Variants in EIF3J observed in about 807,000 individuals in gnomAD.
EIF3J encodes the protein eukaryotic translation initiation factor 3 subunit J.
In EIF3J, 15 loss-of-function variants were observed where a neutral mutation model predicts 39.0. The ratio of observed to expected loss-of-function variants is 0.38; its 90% CI spans 0.26 to 0.59. The LOEUF (loss-of-function observed/expected upper bound fraction) is 0.59. Ranked by LOEUF, EIF3J falls within the 20% of genes least tolerant of loss-of-function variation. The pLI, the probability that EIF3J is intolerant of heterozygous loss-of-function variation, is 0.60. For synonymous variants in EIF3J, 98 were observed against 112.9 expected, an observed-to-expected ratio of 0.87 and a Z score of 0.84; for missense variants, 226 against 308.6, an observed-to-expected ratio of 0.73 and a Z score of 2.00.
chr15:44,561,134 T>G lies in EIF3J; in HGVS notation c.762T>G (p.Tyr254Ter), dbSNP rs1704192972. 1 of 1,611,852 alleles carries G rather than the reference T, an allele frequency of 6.2e-7. No homozygotes were observed. The change falls in exon 8 of 8, where the codon TAT becomes TAG. Residue 254 changes from tyrosine to a stop codon, truncating the protein, a stop_gained. Coordinates refer to ENST00000261868, the MANE Select transcript of EIF3J (RefSeq NM_003758.4). LOFTEE classifies it high-confidence loss of function. ...ATGATGGAGGATATGTACAAGACTA[T>G]GAAGACTTCATGTGACATTTTATCT... ...GGYDGGYVQD[Y>*]EDFM
intron 4 of EIF3J, among the ~76,000 whole-genome samples, chr15:44,552,720 C>T (rs1363687464): frequency 6.6e-6 from 1 of 151,846 alleles, no homozygotes; most frequent in Non-Finnish European, 1.5e-5. Context: ...GCTACCATGC[C>T]CAGCTAATTT....
chr15:44,549,785 A>AC (rs2082083883), intron 2 of EIF3J, among the ~76,000 whole-genome samples: 2 of 150,564 alleles, frequency 1.3e-5, no homozygotes, highest in African/African-American at 4.9e-5. Flanking sequence ...AAAAAAAAAA[A>AC]AAAAACCATT....
At chr15:44,559,721 AT>A (rs199753128) in intron 6 of EIF3J, among the ~76,000 whole-genome samples, 2,735 of 149,872 alleles carry the variant, frequency 0.018, 57 homozygotes, top group African/African-American at 0.049. Flanking sequence ...AAAAAAAAAA[AT>A]AATAGTAATT....
chr15:44,560,793 G>A (rs994353312), intron 7 of EIF3J, among the ~76,000 whole-genome samples: 1 of 152,174 alleles, frequency 6.6e-6, no homozygotes, highest in African/African-American at 2.4e-5. Context: ...AACCCCTGCT[G>A]GTGGGCTAGG....
intron 4 of EIF3J, among the ~76,000 whole-genome samples, chr15:44,554,268 T>A (rs2082125332): frequency 1.3e-5 from 2 of 150,572 alleles, no homozygotes; most frequent in Admixed American, 1.3e-4. Flanking sequence ...TCCCAGCTAC[T>A]CGGGAGGCTG....
chr15:44,558,301 C>T (rs574139368), intron 6 of EIF3J, among the ~76,000 whole-genome samples: 2 of 152,130 alleles, frequency 1.3e-5, no homozygotes, highest in Non-Finnish European at 1.5e-5. Context: ...CTTCTGCCTC[C>T]TGGGTTAAAG....
Position 44,554,620 on chromosome 15 carries a change from A to G in EIF3J, c.362A>G (p.Lys121Arg), listed in dbSNP as rs772384448. The G allele has an allele frequency of 2.2e-5, 35 of 1,613,120 alleles. No homozygotes were observed. The highest frequency in any genetic ancestry group is 2.9e-5 in the Non-Finnish European group (34 of 1,179,696). Residue 121 changes from lysine to arginine, a missense_variant, in exon 5 of 8, where the codon AAG (lysine) becomes AGG (arginine). Around this residue, in one of 2 missense-constraint regions of EIF3J, gnomAD observed 143 missense variants for 156.0 expected, o/e 0.92. Transcript: ENST00000261868. ...CAATTAGCAGATAAACTGCGGCTAAAGAAATTACAGGAAGAGTCAGACCTC... is the reference window on the plus strand; with the variant it reads ...CAATTAGCAGATAAACTGCGGCTAAGGAAATTACAGGAAGAGTCAGACCTC... ...EEQLADKLRL[K>R]KLQEESDLEL...
chr15:44,562,780 A>T lies in EIF3J; in HGVS notation c.*1631A>T, dbSNP rs978854154. 3 of 238,652 alleles carry T rather than the reference A, an allele frequency of 1.3e-5. No individual in the cohort carries two copies. The Admixed American group carries it at 1.5e-4, about 12-fold the overall frequency. 14.8% of individuals were successfully genotyped at this position (238,652 alleles called of 1,614,324 possible). ...CCTGTTCCTTAACTGTGTAAATAAT[A>T]ATTAAATTTCTTTGAAACTGGAATC... is the stretch of plus-strand genomic sequence containing the variant. On this transcript the variant is annotated 3_prime_UTR_variant, in exon 8 of 8. Transcript: ENST00000261868.
intron 2 of EIF3J, among the ~76,000 whole-genome samples, chr15:44,540,256 TATATATATATA>T (rs1320045565): frequency 1.8e-4 from 10 of 56,912 alleles, no homozygotes; most frequent in African/African-American, 5.2e-4. Context: ...TATATATATA[TATATATATATA>T]TTTTTTTTTT....
intron 2 of EIF3J, among the ~76,000 whole-genome samples, chr15:44,541,120 G>A (rs148204066): frequency 1.7e-3 from 264 of 152,260 alleles, no homozygotes; most frequent in Non-Finnish European, 3.0e-3. Context: ...CATCACCCTG[G>A]CTTTATTTAC....
At chr15:44,551,005 CAG>C in intron 3 of EIF3J, 75 bp downstream of exon 3, 5 of 1,521,610 alleles carry the variant, frequency 3.3e-6, no homozygotes, top group Non-Finnish European at 4.4e-6. Context: ...AGACAAATGA[CAG>C]AACGCTCACA....
chr15:44,554,453 TTTG>T (rs1264503500), intron 4 of EIF3J, 97 bp from the exon 5 acceptor site: 2 of 520,136 alleles, frequency 3.8e-6, no homozygotes, highest in Non-Finnish European at 6.7e-6. Context: ...TTCACTTTTA[TTTG>T]TTATTATATA....
intron 7 of EIF3J, among the ~76,000 whole-genome samples, chr15:44,560,745 T>C (rs1422838856): frequency 2.0e-5 from 3 of 152,224 alleles, no homozygotes; most frequent in Non-Finnish European, 4.4e-5. Flanking sequence ...TTTCTAAATT[T>C]GCTTCAGTGA....
intron 2 of EIF3J, among the ~76,000 whole-genome samples, chr15:44,549,213 GACAA>G (rs1026983193): frequency 4.1e-4 from 62 of 151,894 alleles, no homozygotes; most frequent in African/African-American, 1.4e-3. Context: ...GACCAACATG[GACAA>G]ACCCCATCTC....
At chr15:44,557,842 G>A (rs2082157890) in intron 6 of EIF3J, 192 bp downstream of exon 6, 2 of 365,258 alleles carry the variant, frequency 5.5e-6, no homozygotes, top group Non-Finnish European at 9.5e-6. Context: ...TTGTTTGTTT[G>A]TAGGGGTAAG....
intron 2 of EIF3J, among the ~76,000 whole-genome samples, chr15:44,540,829 T>C (rs2082009237): frequency 6.6e-6 from 1 of 152,368 alleles, no homozygotes; most frequent in South Asian, 2.1e-4. Flanking sequence ...CTTCTGTTCA[T>C]GTCAGCATCT....
intron 4 of EIF3J, 21 bp downstream of exon 4, chr15:44,551,543 T>G (rs1035763766): frequency 1.3e-6 from 2 of 1,534,776 alleles, no homozygotes; most frequent in Middle Eastern, 1.8e-4. Flanking sequence ...TTTTCTAAAA[T>G]ACAGAATTCT....
chr15:44,560,767 T>G (rs1251344703), intron 7 of EIF3J, among the ~76,000 whole-genome samples: 1 of 152,216 alleles, frequency 6.6e-6, no homozygotes, highest in Non-Finnish European at 1.5e-5. Context: ...GTTAAGGCTG[T>G]CTACCAATAA....
chr15:44,540,259 ATATATATATTTT>A (rs1445172101), intron 2 of EIF3J, among the ~76,000 whole-genome samples: 3 of 56,208 alleles, frequency 5.3e-5, no homozygotes, highest in African/African-American at 1.1e-4. Flanking sequence ...ATATATATAT[ATATATATATTTT>A]TTTTTTTTTT....
Sources: allele counts gnomAD v4.1 joint callset (sites outside exome capture counted in the v4.1 genomes callset), GRCh38; gene constraint gnomAD v4.1.1; regional missense constraint gnomAD v4.1.1; transcripts MANE v1.5; gene names NCBI Gene and HGNC (gene_info 2026-07-23, HGNC 2026-07-21).